NOL4: variants seen among roughly 807,000 people sequenced by gnomAD.
NOL4 encodes the protein cancer/testis antigen 125.
A neutral mutation model predicts 75.9 loss-of-function variants in NOL4; 17 were observed. That is an observed-to-expected ratio of 0.22 (90% confidence interval 0.15 to 0.34). The LOEUF is 0.34. Among genes scored for constraint, NOL4 ranks in the 10% least tolerant of loss-of-function variants. NOL4 has a pLI of 1.00. For synonymous variants in NOL4, 292 were observed against 289.9 expected (o/e 1.01, Z -0.07); for missense variants, 614 against 793.5 (o/e 0.77, Z 2.72).
At chr18:33,910,575 C>T (rs1419709005) in intron 9 of NOL4, among the ~76,000 whole-genome samples, 1 of 152,046 alleles carries the variant, frequency 6.6e-6, no homozygotes, top group African/African-American at 2.4e-5. Flanking sequence ...ATTTCCCTAA[C>T]CCACCCCACG....
chr18:34,188,826 T>A (rs1374565459), intron 1 of NOL4, among the ~76,000 whole-genome samples: 1 of 152,190 alleles, frequency 6.6e-6, no homozygotes, highest in Non-Finnish European at 1.5e-5. Flanking sequence ...GAGGACTATC[T>A]GTATTTAGAC....
chr18:34,216,970 T>C (rs1225368998), intron 1 of NOL4, among the ~76,000 whole-genome samples: 1 of 152,158 alleles, frequency 6.6e-6, no homozygotes, highest in Non-Finnish European at 1.5e-5. Flanking sequence ...ATCCTAGTTT[T>C]AGAAAATTAT....
chr18:33,985,421 C>A (rs955727848), intron 6 of NOL4, among the ~76,000 whole-genome samples: 2 of 152,034 alleles, frequency 1.3e-5, no homozygotes, highest in African/African-American at 4.8e-5. Context: ...AAAATGTTAT[C>A]AAGTATTTCA....
intron 9 of NOL4, among the ~76,000 whole-genome samples, chr18:33,941,812 A>G (rs77473029): frequency 0.026 from 3,938 of 151,992 alleles, 64 homozygotes; most frequent in Non-Finnish European, 0.028. Flanking sequence ...TCCCCTAATC[A>G]CTATGCCAGA....
At chr18:34,065,199 G>T (rs1356750883) in intron 5 of NOL4, among the ~76,000 whole-genome samples, 2 of 151,828 alleles carry the variant, frequency 1.3e-5, no homozygotes, top group African/African-American at 2.4e-5. Flanking sequence ...GCTTGAAAGA[G>T]AATACACACA....
chr18:33,952,931 A>C (rs898191385), intron 8 of NOL4, among the ~76,000 whole-genome samples: 8 of 152,208 alleles, frequency 5.3e-5, no homozygotes, highest in South Asian at 4.1e-4. Flanking sequence ...TCTCAAAAAA[A>C]CAAAATGTTC....
chr18:34,134,364 C>G (rs1490297573), intron 1 of NOL4, among the ~76,000 whole-genome samples: 2 of 151,372 alleles, frequency 1.3e-5, no homozygotes, highest in African/African-American at 4.9e-5. Context: ...AAAAGAGACT[C>G]ATTTCATAGT....
At chr18:34,162,443 G>C (rs898832099) in intron 1 of NOL4, among the ~76,000 whole-genome samples, 1 of 152,150 alleles carries the variant, frequency 6.6e-6, no homozygotes, top group Non-Finnish European at 1.5e-5. Flanking sequence ...ACTACCATCA[G>C]AGAATACTAC....
At chr18:34,123,867 T>C (rs1160790720) in intron 2 of NOL4, among the ~76,000 whole-genome samples, 2 of 151,524 alleles carry the variant, frequency 1.3e-5, no homozygotes, top group African/African-American at 2.4e-5. Flanking sequence ...TACATTTGAG[T>C]GCTATTTTAT....
intron 1 of NOL4, among the ~76,000 whole-genome samples, chr18:34,171,257 T>C (rs1372409612): frequency 6.6e-6 from 1 of 152,172 alleles, no homozygotes; most frequent in Non-Finnish European, 1.5e-5. Context: ...CTTCTACCAC[T>C]CTAAGATCTC....
intron 2 of NOL4, 136 bp from the exon 3 acceptor site, chr18:34,105,296 A>G (rs1257961566): frequency 3.4e-6 from 2 of 581,784 alleles, no homozygotes; most frequent in Admixed American, 3.0e-5. Context: ...TGCATTGCAT[A>G]CCATGCATCA....
chr18:34,136,634 AG>A (rs765859935), intron 1 of NOL4, among the ~76,000 whole-genome samples: 2 of 152,172 alleles, frequency 1.3e-5, no homozygotes, highest in Non-Finnish European at 2.9e-5. Flanking sequence ...ATGTTAAAAA[AG>A]GTGTAAGACT....
chr18:34,137,779 TACACACACAC>T (rs1156472289), intron 1 of NOL4, among the ~76,000 whole-genome samples: 1 of 147,044 alleles, frequency 6.8e-6, no homozygotes, highest in Admixed American at 6.8e-5. Context: ...ATATACGAAA[TACACACACAC>T]ACACACACAC....
intron 6 of NOL4, among the ~76,000 whole-genome samples, chr18:33,974,025 G>C (rs1358277998): frequency 6.6e-6 from 1 of 152,170 alleles, no homozygotes; most frequent in Non-Finnish European, 1.5e-5. Flanking sequence ...AAAAGTCCTA[G>C]ATGGCTTCTT....
At chr18:34,072,795 TA>T (rs1199745352) in intron 5 of NOL4, among the ~76,000 whole-genome samples, 1 of 152,130 alleles carries the variant, frequency 6.6e-6, no homozygotes, top group African/African-American at 2.4e-5. Context: ...ATATAAAATC[TA>T]AAAAATAAAA....
At chr18:34,211,874 A>G (rs1216015214) in intron 1 of NOL4, among the ~76,000 whole-genome samples, 1 of 152,144 alleles carries the variant, frequency 6.6e-6, no homozygotes, top group Non-Finnish European at 1.5e-5. Flanking sequence ...CTTGCCAATT[A>G]CTGCTATTTT....
rs2062675543 is a variant in NOL4, at chr18:33,852,727, A to C, written c.*115T>G. The C allele has an allele frequency of 1.1e-6, 1 of 874,740 alleles. No homozygotes were observed. Among genetic ancestry groups the C allele is most frequent in the Non-Finnish European group, 1.7e-6 (1 of 573,900 alleles). 54.2% of individuals were successfully genotyped at this position (874,740 alleles called of 1,614,324 possible). ...ATCAAGGACAATGTGGCATAATGGA[A>C]GTATTTCTCTTAAAAGACTGTGCAG... On this transcript the variant is annotated 3_prime_UTR_variant, in exon 11 of 11. Transcript: ENST00000261592.
At chr18:34,042,860 T>C (rs2076199918) in intron 5 of NOL4, among the ~76,000 whole-genome samples, 1 of 152,062 alleles carries the variant, frequency 6.6e-6, no homozygotes, top group African/African-American at 2.4e-5. Context: ...TTTTCACACT[T>C]GGGAAATAGG....
chr18:34,135,563 G>A (rs188240653), intron 1 of NOL4, among the ~76,000 whole-genome samples: 22 of 151,416 alleles, frequency 1.5e-4, no homozygotes, highest in African/African-American at 2.9e-4. Flanking sequence ...CAGGTGTGGC[G>A]GTGGGCGCCT....
Sources: allele counts gnomAD v4.1 joint callset (sites outside exome capture counted in the v4.1 genomes callset), GRCh38; gene constraint gnomAD v4.1.1; transcripts MANE v1.5; gene names NCBI Gene and HGNC (gene_info 2026-07-23, HGNC 2026-07-21).